The following SH3BP4 variants were observed in gnomAD, a reference collection of about 807,000 sequenced individuals.
SH3BP4 encodes the protein SH3 domain-binding protein 4.
In SH3BP4, 33 loss-of-function variants were observed where a neutral mutation model predicts 65.5. The observed-to-expected ratio is 0.50, with a 90% confidence interval of 0.38 to 0.67. The LOEUF (loss-of-function observed/expected upper bound fraction) is 0.67. SH3BP4 is among the 30% of genes least tolerant of loss of function. SH3BP4 has a pLI of 0.00. For missense variants in SH3BP4, 1,134 were observed against 1,261.4 expected (o/e 0.90, Z 1.53); for synonymous variants, 552 against 545.5 (o/e 1.01, Z -0.17).
intron 2 of SH3BP4, among the ~76,000 whole-genome samples, chr2:235,001,001 T>C (rs1694080301): frequency 6.6e-6 from 1 of 152,262 alleles, no homozygotes; most frequent in African/African-American, 2.4e-5. Flanking sequence ...TACCTTATCA[T>C]TGCCCATAAA....
intron 1 of SH3BP4, among the ~76,000 whole-genome samples, chr2:234,955,512 C>A (rs1315824284): frequency 3.9e-5 from 6 of 152,146 alleles, no homozygotes; most frequent in African/African-American, 1.2e-4. Context: ...CCTGATCCCA[C>A]CGTGACCTCG....
chr2:234,992,720 G>A (rs1693787860), intron 1 of SH3BP4, among the ~76,000 whole-genome samples: 1 of 143,996 alleles, frequency 6.9e-6, no homozygotes, highest in South Asian at 2.4e-4. Flanking sequence ...CTCTGGGTCT[G>A]GGCAGCACCT....
At chr2:234,963,184 GTGTT>G (rs1197445929) in intron 1 of SH3BP4, among the ~76,000 whole-genome samples, 1 of 152,172 alleles carries the variant, frequency 6.6e-6, no homozygotes, top group African/African-American at 2.4e-5. Flanking sequence ...TGTTTAATAA[GTGTT>G]TGTGAATAGA....
Position 235,019,242 on chromosome 2 carries a change from C to T in SH3BP4, c.-132-15629C>T, listed in dbSNP as rs116964459. On this transcript the variant is annotated intron_variant, in intron 2 of 5. Transcript: ENST00000392011. ...AGTGGAACCAGGGAGCCCAGGAGGG[C>T]GCTGCAGGGCACTCAGGTGAGTGAT... is the stretch of plus-strand genomic sequence containing the variant. Among the ~76,000 whole-genome samples, 118 of 152,024 alleles carry T rather than the reference C, an allele frequency of 7.8e-4. 2 individuals are homozygous for T. In the East Asian group the frequency reaches 0.02, roughly 26 times the overall value.
intron 1 of SH3BP4, among the ~76,000 whole-genome samples, chr2:234,956,981 A>G (rs12618098): frequency 0.1 from 15,650 of 152,128 alleles, 917 homozygotes; most frequent in East Asian, 0.22. Flanking sequence ...CGATTGCAGT[A>G]TCTGCCAATT....
intron 2 of SH3BP4, among the ~76,000 whole-genome samples, chr2:235,024,174 G>T (rs1402357514): frequency 2.6e-5 from 4 of 152,192 alleles, no homozygotes; most frequent in African/African-American, 7.2e-5. Context: ...TGATAAACTG[G>T]TGGTTAAAAC....
In SH3BP4 at chr2:234,952,294, G is replaced by C. The variant is rs1174102469; in HGVS notation, c.-207+124G>C. ...GCAGATCGTGCCGCGGGCGCCGATCGTGCCACCGCCGCCTGAGTTCGGGGC... is the reference window on the plus strand; with the variant it reads ...GCAGATCGTGCCGCGGGCGCCGATCCTGCCACCGCCGCCTGAGTTCGGGGC... On this transcript the variant is annotated intron_variant, in intron 1 of 5. Coordinates refer to ENST00000392011, the MANE Select transcript of SH3BP4 (RefSeq NM_014521.3). The surrounding 1 kb of genome is among the most constrained non-coding windows in gnomAD (Gnocchi z 6.5). The C allele has an allele frequency of 2.0e-5, 3 of 150,454 alleles. No individual in the cohort carries two copies. Among genetic ancestry groups the C allele is most frequent in the African/African-American group, 7.3e-5 (3 of 41,184 alleles). The allele number at this position is 150,454 out of a possible 1,614,324, so 9.3% of individuals were successfully genotyped here.
chr2:235,002,152 A>G lies in SH3BP4; in HGVS notation c.-133+6776A>G, dbSNP rs1457758399. Among the ~76,000 whole-genome samples the G allele has an allele frequency of 2.6e-5, 4 of 152,192 alleles. No homozygotes were observed. The South Asian group carries it at 6.2e-4, about 24-fold the overall frequency. On this transcript the variant is annotated intron_variant, in intron 2 of 5. Transcript: ENST00000392011. Reference sequence around the variant, plus strand: ...GCTGGGATTACAGGTGTGAGCCACCATGCTGGGCTGGAGGGTACATTTTTA... The same window carrying G: ...GCTGGGATTACAGGTGTGAGCCACCGTGCTGGGCTGGAGGGTACATTTTTA...
chr2:235,003,715 C>A (rs994799999), intron 2 of SH3BP4, among the ~76,000 whole-genome samples: 6 of 152,218 alleles, frequency 3.9e-5, no homozygotes, highest in Non-Finnish European at 7.3e-5. Flanking sequence ...CGCTCCTATG[C>A]AGGGAGATGT....
chr2:235,051,895 A>T (rs1464966756), intron 4 of SH3BP4, among the ~76,000 whole-genome samples: 1 of 152,030 alleles, frequency 6.6e-6, no homozygotes, highest in Non-Finnish European at 1.5e-5. Context: ...GTCCCCAGAG[A>T]GTGGGAGTGG....
chr2:235,010,484 A>G (rs1421541466), intron 2 of SH3BP4, among the ~76,000 whole-genome samples: 1 of 152,198 alleles, frequency 6.6e-6, no homozygotes, highest in African/African-American at 2.4e-5. Context: ...CATAATCCTT[A>G]TCTGTCTCAT....
intron 2 of SH3BP4, among the ~76,000 whole-genome samples, chr2:235,031,273 C>G (rs1695194422): frequency 6.6e-6 from 1 of 152,158 alleles, no homozygotes; most frequent in African/African-American, 2.4e-5. Context: ...AGATCTCTTT[C>G]TAGAACTGCA....
chr2:235,028,295 C>A (rs1001463386), intron 2 of SH3BP4, among the ~76,000 whole-genome samples: 19 of 152,206 alleles, frequency 1.2e-4, no homozygotes, highest in African/African-American at 4.6e-4. Context: ...CAACTGCAGG[C>A]TGTCCTGGAG....
chr2:235,054,552 C>T lies in SH3BP4; in HGVS notation c.*736C>T, dbSNP rs1696167267. 1.3e-5 allele frequency: 2 copies of T among 152,246 alleles called. 1 individual carries two copies. The highest frequency in any genetic ancestry group is 4.1e-4 in the South Asian group (2 of 4,834). 9.4% of individuals were successfully genotyped at this position (152,246 alleles called of 1,614,324 possible). On this transcript the variant is annotated 3_prime_UTR_variant, in exon 6 of 6. Transcript: ENST00000392011. ...AGCATTTAGGTGCCCTGAGCTGTTTCTGCCAATAGATTAGAAAGCAGCCAT... is the reference window on the plus strand; with the variant it reads ...AGCATTTAGGTGCCCTGAGCTGTTTTTGCCAATAGATTAGAAAGCAGCCAT...
At chr2:235,016,718 C>T (rs1397213539) in intron 2 of SH3BP4, among the ~76,000 whole-genome samples, 1 of 152,184 alleles carries the variant, frequency 6.6e-6, no homozygotes, top group Admixed American at 6.5e-5. Flanking sequence ...ACCATGTTGG[C>T]CAGGATGGTC....
intron 1 of SH3BP4, among the ~76,000 whole-genome samples, chr2:234,958,014 T>TGGTTTG (rs1160345979): frequency 1.2e-4 from 19 of 152,128 alleles, no homozygotes; most frequent in Admixed American, 6.5e-4. Context: ...TGGCTTTGGT[T>TGGTTTG]GCTTCTGCTG....
chr2:235,030,321 G>A lies in SH3BP4; in HGVS notation c.-132-4550G>A, dbSNP rs769851868. On this transcript the variant is annotated intron_variant, in intron 2 of 5. Coordinates refer to ENST00000392011, the MANE Select transcript of SH3BP4 (RefSeq NM_014521.3). The surrounding 1 kb of genome is among the most constrained non-coding windows in gnomAD (Gnocchi z 4.1). ...CAAGACTGGGAGCAGAGAGTGTTTT[G>A]TCAGGCTCACATCTTGGCTGCGTTA... Among the ~76,000 whole-genome samples the A allele has an allele frequency of 3.6e-4, 55 of 152,136 alleles. 1 individual carries two copies. Among genetic ancestry groups the A allele is most frequent in the Non-Finnish European group, 6.3e-4 (43 of 68,024 alleles).
intron 1 of SH3BP4, among the ~76,000 whole-genome samples, chr2:234,983,942 G>T (rs953338659): frequency 6.6e-6 from 1 of 152,236 alleles, no homozygotes; most frequent in Non-Finnish European, 1.5e-5. Context: ...GAGAGTCAAT[G>T]TGTGTTTTAA....
chr2:234,990,762 G>T (rs1241679192), intron 1 of SH3BP4, among the ~76,000 whole-genome samples: 1 of 152,224 alleles, frequency 6.6e-6, no homozygotes, highest in Non-Finnish European at 1.5e-5. Context: ...TTGCACAGTG[G>T]AAAAGGATTG....
Sources: allele counts gnomAD v4.1 joint callset (sites outside exome capture counted in the v4.1 genomes callset), GRCh38; gene constraint gnomAD v4.1.1; non-coding constraint Gnocchi (gnomAD v3.1); transcripts MANE v1.5; gene names NCBI Gene and HGNC (gene_info 2026-07-23, HGNC 2026-07-21).